DAB1: variants seen among roughly 807,000 people sequenced by gnomAD.
The protein encoded by DAB1 is DAB adaptor protein 1, also known as disabled homolog 1.
In DAB1, 15 loss-of-function variants were observed where a neutral mutation model predicts 64.6. The ratio of observed to expected loss-of-function variants is 0.23; its 90% confidence interval spans 0.16 to 0.36. The LOEUF (loss-of-function observed/expected upper bound fraction) is 0.36, where lower values mean the gene tolerates loss of function less well. Ranked by LOEUF, DAB1 falls within the 10% of genes least tolerant of loss-of-function variation. The pLI is 1.00. For missense variants in DAB1, 596 were observed against 706.7 expected (o/e 0.84, Z 1.78); for synonymous variants, 235 against 251.9 (o/e 0.93, Z 0.64).
At chr1:57,535,380 C>T (rs950378608) in intron 7 of DAB1, among the ~76,000 whole-genome samples, 4 of 151,940 alleles carry the variant, frequency 2.6e-5, no homozygotes, top group Non-Finnish European at 5.9e-5. Flanking sequence ...TGATTTAGTA[C>T]CCCGCAGCTA....
intron 6 of DAB1, among the ~76,000 whole-genome samples, chr1:57,813,183 G>A (rs900724977): frequency 1.4e-4 from 21 of 152,140 alleles, no homozygotes; most frequent in African/African-American, 5.1e-4. Context: ...AGTGTGAAGA[G>A]AAAAGCATTA....
At chr1:57,880,478 C>T (rs996408445) in intron 1 of DAB1, 2 of 152,196 alleles carry the variant, frequency 1.3e-5, no homozygotes, top group African/African-American at 4.8e-5. Flanking sequence ...AAATCCTCCT[C>T]TTTTCAGGAC....
At chr1:57,065,386 A>G (rs890276600) in intron 8 of DAB1, among the ~76,000 whole-genome samples, 2 of 152,210 alleles carry the variant, frequency 1.3e-5, no homozygotes, top group African/African-American at 4.8e-5. Context: ...CTGATTTAAC[A>G]GAGCTCCTTG....
upstream of DAB1, among the ~76,000 whole-genome samples, chr1:57,428,170 GAA>G (rs1001502329): frequency 6.8e-6 from 1 of 146,688 alleles, no homozygotes; most frequent in African/African-American, 2.5e-5. Flanking sequence ...CTCCATCTCA[GAA>G]AAAAAAAAGA....
chr1:58,410,211 C>A (rs886991107), intron 3 of DAB1, among the ~76,000 whole-genome samples: 3 of 152,176 alleles, frequency 2.0e-5, no homozygotes, highest in African/African-American at 7.2e-5. Flanking sequence ...AGATGCCATG[C>A]GGCTTTATGA....
chr1:57,941,161 T>C (rs1323190267), intron 5 of DAB1, among the ~76,000 whole-genome samples: 2 of 152,208 alleles, frequency 1.3e-5, no homozygotes, highest in Non-Finnish European at 2.9e-5. Context: ...ATAATTAAAA[T>C]ATACTGCAGG....
intron 5 of DAB1, among the ~76,000 whole-genome samples, chr1:57,919,549 C>G (rs1644779843): frequency 6.6e-6 from 1 of 152,178 alleles, no homozygotes; most frequent in African/African-American, 2.4e-5. Flanking sequence ...GGCATAGACT[C>G]TAGGTCAGAC....
chr1:58,306,854 G>C (rs887395534), intron 4 of DAB1, among the ~76,000 whole-genome samples: 2 of 152,192 alleles, frequency 1.3e-5, no homozygotes, highest in Non-Finnish European at 2.9e-5. Flanking sequence ...CTCCTCCCTT[G>C]TATTGTGTAA....
intron 7 of DAB1, among the ~76,000 whole-genome samples, chr1:57,497,550 A>G (rs960924283): frequency 1.3e-5 from 2 of 152,238 alleles, no homozygotes; most frequent in African/African-American, 4.8e-5. Flanking sequence ...TGGTGCCAGA[A>G]GAGCTTATCA....
chr1:57,162,424 C>T (rs1484162073), intron 2 of DAB1, among the ~76,000 whole-genome samples: 1 of 152,226 alleles, frequency 6.6e-6, no homozygotes, highest in Non-Finnish European at 1.5e-5. Flanking sequence ...AGGTCATAGG[C>T]AGTGCAGAAC....
chr1:58,326,005 T>C (rs1222123388), intron 4 of DAB1, among the ~76,000 whole-genome samples: 2 of 152,030 alleles, frequency 1.3e-5, no homozygotes, highest in African/African-American at 4.8e-5. Context: ...GCTCCACCCC[T>C]CCCTCTGGAG....
At chr1:57,034,972 T>A (rs915845601) in intron 9 of DAB1, among the ~76,000 whole-genome samples, 1 of 152,192 alleles carries the variant, frequency 6.6e-6, no homozygotes, top group African/African-American at 2.4e-5. Context: ...AGGCAGAGCC[T>A]TCAGGTCAAC....
At chr1:58,452,345 C>T (rs1365728965) in intron 3 of DAB1, among the ~76,000 whole-genome samples, 3 of 151,622 alleles carry the variant, frequency 2.0e-5, no homozygotes, top group Non-Finnish European at 4.4e-5. Context: ...TAGGAAAATG[C>T]AAATTAAAAT....
chr1:57,510,197 T>A (rs1027953203), intron 7 of DAB1, among the ~76,000 whole-genome samples: 2 of 152,186 alleles, frequency 1.3e-5, no homozygotes, highest in African/African-American at 4.8e-5. Context: ...TCCACGCCTC[T>A]CCCAAGGACA....
chr1:57,487,370 G>A lies in DAB1; in HGVS notation n.625+162222C>T, dbSNP rs547820400. On this transcript the variant is annotated intron_variant and non_coding_transcript_variant, in intron 7 of 20. Coordinates refer to the DAB1 transcript ENST00000485760. ...TTGGCTTACTCCCAGATGCCCGCTG[G>A]CTGTGAGAACAACTGTGAACTCTGG... Among the ~76,000 whole-genome samples the A allele has an allele frequency of 3.5e-4, 54 of 152,256 alleles. No individual in the cohort carries two copies. In the South Asian group the frequency reaches 0.011, roughly 31 times the overall value.
chr1:57,755,223 C>T (rs1483865373), intron 6 of DAB1, among the ~76,000 whole-genome samples: 1 of 152,004 alleles, frequency 6.6e-6, no homozygotes, highest in Non-Finnish European at 1.5e-5. Context: ...GTCTAAAAAT[C>T]CCTGTTGGGA....
chr1:58,472,568 T>A (rs1321450686), intron 3 of DAB1, among the ~76,000 whole-genome samples: 1 of 152,194 alleles, frequency 6.6e-6, no homozygotes, highest in Admixed American at 6.5e-5. Context: ...GGGTGCTCTA[T>A]CTGTTCTTCT....
intron 4 of DAB1, among the ~76,000 whole-genome samples, chr1:57,130,672 A>G (rs1035286019): frequency 6.6e-6 from 1 of 151,328 alleles, no homozygotes; most frequent in Non-Finnish European, 1.5e-5. Context: ...GACAAATATC[A>G]CATGATCTCA....
At chr1:57,987,404 T>C (rs985328974) in intron 5 of DAB1, among the ~76,000 whole-genome samples, 1 of 152,214 alleles carries the variant, frequency 6.6e-6, no homozygotes, top group South Asian at 2.1e-4. Context: ...ATGAAGGTAG[T>C]ATTGGTTCCC....
Sources: gnomAD v4.1 joint callset for allele counts (sites outside exome capture counted in the v4.1 genomes callset) on GRCh38, gnomAD v4.1.1 for gene constraint, MANE v1.5 for transcripts, NCBI Gene and HGNC (gene_info 2026-07-23, HGNC 2026-07-21) for gene names.